The following FRZB variants were observed in gnomAD, a reference collection of about 807,000 sequenced individuals.
FRZB encodes the protein secreted frizzled-related protein 3.
A neutral mutation model predicts 32.5 loss-of-function variants in FRZB; 34 were observed. The ratio of observed to expected loss-of-function variants is 1.05; its 90% CI spans 0.80 to 1.39. The LOEUF (loss-of-function observed/expected upper bound fraction) is 1.39. FRZB is among the 40% of genes most tolerant of loss of function. The pLI, the probability that FRZB is intolerant of heterozygous loss-of-function variation, is 0.00. For missense variants in FRZB, 423 were observed against 424.8 expected (o/e 1.00, Z 0.04); for synonymous variants, 170 against 159.2 (o/e 1.07, Z -0.51).
At chr2:182,848,815 T>G (rs1233711630) in intron 2 of FRZB, among the ~76,000 whole-genome samples, 4 of 152,208 alleles carry the variant, frequency 2.6e-5, no homozygotes, top group Non-Finnish European at 5.9e-5. Context: ...GTCCCAAGTG[T>G]GTACAGTATG....
At chr2:182,854,732 CA>C (rs548926716) in intron 2 of FRZB, among the ~76,000 whole-genome samples, 153 of 152,318 alleles carry the variant, frequency 1.0e-3, no homozygotes, top group Non-Finnish European at 1.8e-3. Context: ...GGCAAATCCC[CA>C]TTACTTTGTC....
intron 1 of FRZB, 91 bp from the exon 2 acceptor site, chr2:182,858,924 G>A: frequency 4.7e-6 from 5 of 1,071,334 alleles, no homozygotes; most frequent in Non-Finnish European, 5.7e-6. Flanking sequence ...AGTTTGATTT[G>A]GGTAAGAATC....
At chr2:182,839,846 T>C (rs910614027) in intron 3 of FRZB, among the ~76,000 whole-genome samples, 10 of 152,084 alleles carry the variant, frequency 6.6e-5, no homozygotes, top group African/African-American at 2.4e-4. Context: ...CAAAAACTTC[T>C]TAGGCACATA....
At chr2:182,838,736 C>G (rs1695555503) in intron 3 of FRZB, 123 bp from the exon 4 acceptor site, 1 of 751,958 alleles carries the variant, frequency 1.3e-6, no homozygotes, top group African/African-American at 1.8e-5. Context: ...ACGAATGGAA[C>G]AGAAAAGTCA....
At chr2:182,842,381 A>G in intron 3 of FRZB, 97 bp downstream of exon 3, 2 of 845,176 alleles carry the variant, frequency 2.4e-6, no homozygotes, top group Non-Finnish European at 4.0e-6. Context: ...TTATTCTTAA[A>G]TGGCTCCACT....
intron 3 of FRZB, 52 bp downstream of exon 3, chr2:182,842,426 C>A: frequency 7.7e-7 from 1 of 1,293,156 alleles, no homozygotes; most frequent in East Asian, 2.3e-5. Flanking sequence ...GGTGCATCCA[C>A]ACACCTCTCT....
chr2:182,837,909 T>G, intron 5 of FRZB, 39 bp downstream of exon 5: 1 of 1,529,564 alleles, frequency 6.5e-7, no homozygotes, highest in Non-Finnish European at 9.0e-7. Context: ...TTTTGTTTTG[T>G]TTTCTGTGTA....
intron 1 of FRZB, among the ~76,000 whole-genome samples, chr2:182,860,848 CAG>C (rs1403360658): frequency 7.5e-6 from 1 of 133,284 alleles, no homozygotes; most frequent in Non-Finnish European, 1.5e-5. Context: ...GTCTGAGTGA[CAG>C]AGCGAGACTG....
At position 182,842,517 on chromosome 2, in the gene FRZB, C is replaced by G. The variant is rs1695597506; in HGVS notation, c.553G>C (p.Ala185Pro). 1 of 1,612,740 alleles carries G rather than the reference C, an allele frequency of 6.2e-7. No homozygotes were observed. The highest frequency in any genetic ancestry group is 1.1e-5 in the South Asian group (1 of 90,986). Residue 185 changes from alanine (A) to proline (P), a missense_variant, in exon 3 of 6, where the codon GCT becomes CCT. Coordinates refer to ENST00000295113, the MANE Select transcript of FRZB (RefSeq NM_001463.4). Reference protein sequence around the residue: ...SERCKCKPIRATQKTYFRNNY... With the variant: ...SERCKCKPIRPTQKTYFRNNY... ...TTCCGGAAATAGGTCTTCTGTGTAG[C>G]TCTAATAGGCTTACATTTACAGCGT...
intron 2 of FRZB, among the ~76,000 whole-genome samples, chr2:182,853,875 T>C (rs1416472407): frequency 6.6e-6 from 1 of 152,184 alleles, no homozygotes; most frequent in Non-Finnish European, 1.5e-5. Context: ...TAGAAATAAA[T>C]GCAGCATTAG....
intron 2 of FRZB, among the ~76,000 whole-genome samples, chr2:182,851,403 C>G (rs985750148): frequency 6.6e-6 from 1 of 152,182 alleles, no homozygotes; most frequent in Non-Finnish European, 1.5e-5. Context: ...CGCCTGTAAT[C>G]CCAGCACTCT....
At position 182,837,967 on chromosome 2, in the gene FRZB, C is replaced by T; in HGVS notation, c.842G>A (p.Arg281Gln). Residue 281 changes from arginine (R) to glutamine (Q), a missense_variant, in exon 5 of 6, where the codon CGA becomes CAA. Coordinates refer to ENST00000295113, the MANE Select transcript of FRZB (RefSeq NM_001463.4). ...EGSIAEKWKD[R>Q]LGKKVKRWDM... ...GCTTACCTTAACTTTTTTACCGAGT[C>T]GATCCTTCCACTTCTCAGCTATAGA... The T allele has an allele frequency of 2.1e-5, 34 of 1,611,726 alleles. No individual in the cohort carries two copies. Among genetic ancestry groups the T allele is most frequent in the Non-Finnish European group, 2.9e-5 (34 of 1,178,654 alleles).
At chr2:182,844,187 A>C (rs1348174736) in intron 2 of FRZB, among the ~76,000 whole-genome samples, 1 of 152,152 alleles carries the variant, frequency 6.6e-6, no homozygotes, top group Non-Finnish European at 1.5e-5. Flanking sequence ...TACCACACAC[A>C]GCTCCTTCCC....
chr2:182,850,132 T>C (rs1313267925), intron 2 of FRZB, among the ~76,000 whole-genome samples: 1 of 152,228 alleles, frequency 6.6e-6, no homozygotes, highest in African/African-American at 2.4e-5. Context: ...GATGGACATA[T>C]TTTCAGAGTA....
chr2:182,837,505 TG>T (rs137864856), intron 5 of FRZB, among the ~76,000 whole-genome samples: 17,937 of 152,048 alleles, frequency 0.12, 1,370 homozygotes, highest in African/African-American at 0.2. Flanking sequence ...AACTGCTTGA[TG>T]AGGCTCTTGG....
At chr2:182,862,014 A>C (rs1280848257) in intron 1 of FRZB, among the ~76,000 whole-genome samples, 1 of 152,182 alleles carries the variant, frequency 6.6e-6, no homozygotes, top group Non-Finnish European at 1.5e-5. Flanking sequence ...TTTAATTCTA[A>C]TCTAAAATTT....
chr2:182,844,450 G>A (rs571300156), intron 2 of FRZB, among the ~76,000 whole-genome samples: 1 of 152,144 alleles, frequency 6.6e-6, no homozygotes, highest in South Asian at 2.1e-4. Context: ...TTCTGAAGAC[G>A]TAAATTTTAT....
chr2:182,836,953 G>T (rs572464197), intron 5 of FRZB, among the ~76,000 whole-genome samples: 1 of 151,962 alleles, frequency 6.6e-6, no homozygotes, highest in South Asian at 2.1e-4. Context: ...CGTGTCTGCC[G>T]TGTCAAGTGC....
intron 2 of FRZB, among the ~76,000 whole-genome samples, chr2:182,849,748 A>G (rs142781414): frequency 1.0e-3 from 155 of 152,372 alleles, no homozygotes; most frequent in African/African-American, 3.5e-3. Flanking sequence ...CGCTATATTA[A>G]TAAGAAAAGG....
Sources: gnomAD v4.1 joint callset for allele counts (sites outside exome capture counted in the v4.1 genomes callset) on GRCh38, gnomAD v4.1.1 for gene constraint, MANE v1.5 for transcripts, NCBI Gene and HGNC (gene_info 2026-07-23, HGNC 2026-07-21) for gene names.